EPB41L2: variants seen among roughly 807,000 people sequenced by gnomAD.
EPB41L2 encodes the protein band 4.1-like protein 2.
Under a neutral mutation model 113.0 loss-of-function variants are expected in EPB41L2, and 43 were observed. The observed-to-expected ratio is 0.38, with a 90% CI of 0.30 to 0.49. The LOEUF is 0.49. EPB41L2 is among the 20% of genes least tolerant of loss of function. EPB41L2 has a pLI of 0.95. For missense variants in EPB41L2, 1,147 were observed against 1,223.4 expected (o/e 0.94, Z 0.93); for synonymous variants, 442 against 436.7 (o/e 1.01, Z -0.15).
chr6:131,046,987 A>G (rs1941856764), intron 1 of EPB41L2, among the ~76,000 whole-genome samples: 1 of 152,182 alleles, frequency 6.6e-6, no homozygotes, highest in South Asian at 2.1e-4. Context: ...AATATAAGAC[A>G]GTAGTTATGG....
At chr6:130,863,579 A>G in intron 18 of EPB41L2, 59 bp downstream of exon 18, 1 of 1,223,082 alleles carries the variant, frequency 8.2e-7, no homozygotes, top group South Asian at 1.2e-5. Context: ...CATGATGACA[A>G]ATGTGAAACT....
chr6:130,961,365 T>C (rs1176301588), intron 1 of EPB41L2, among the ~76,000 whole-genome samples: 1 of 152,188 alleles, frequency 6.6e-6, no homozygotes. Flanking sequence ...TCATTTAACA[T>C]GCAATGAAGC....
intron 3 of EPB41L2, among the ~76,000 whole-genome samples, chr6:130,943,131 CA>C (rs1472515689): frequency 1.3e-5 from 2 of 152,140 alleles, no homozygotes; most frequent in Admixed American, 1.3e-4. Context: ...ATTGCTGGGT[CA>C]AATGGTATTT....
intron 1 of EPB41L2, among the ~76,000 whole-genome samples, chr6:131,003,582 C>T (rs1784824614): frequency 6.6e-6 from 1 of 152,144 alleles, no homozygotes; most frequent in African/African-American, 2.4e-5. Flanking sequence ...TCTAAAATCC[C>T]TTTCTCCATC....
intron 14 of EPB41L2, among the ~76,000 whole-genome samples, chr6:130,871,876 ATT>A (rs929961540): frequency 2.6e-5 from 4 of 152,192 alleles, no homozygotes; most frequent in Non-Finnish European, 4.4e-5. Flanking sequence ...AATTATTATT[ATT>A]GTTATATCTT....
rs575495335 is a variant in EPB41L2, at chr6:130,995,998, C to T, written c.-14-39499G>A. Among the ~76,000 whole-genome samples the T allele has an allele frequency of 3.9e-5, 6 of 152,276 alleles. No individual in the cohort carries two copies. The South Asian group carries it at 1.2e-3, about 32-fold the overall frequency. The stretch of plus-strand genomic sequence containing the variant: ...TTTTCCTGTTCTATTATCTGTATAT[C>T]ATAAGTAAATATTCTTCCCACTGGA... On this transcript the variant is annotated intron_variant, in intron 1 of 19. Transcript: ENST00000337057.
chr6:131,029,940 A>G (rs985681102), intron 1 of EPB41L2, among the ~76,000 whole-genome samples: 3 of 151,130 alleles, frequency 2.0e-5, no homozygotes, highest in Non-Finnish European at 4.4e-5. Context: ...AGCCTGCACA[A>G]TTGGATTGTG....
intron 1 of EPB41L2, among the ~76,000 whole-genome samples, chr6:131,051,835 A>C (rs766524794): frequency 2.0e-5 from 3 of 152,192 alleles, no homozygotes; most frequent in Non-Finnish European, 2.9e-5. Flanking sequence ...ATTTTAAGAC[A>C]TGCAAGCCTC....
chr6:130,900,520 A>G (rs1795995671), intron 7 of EPB41L2, among the ~76,000 whole-genome samples: 1 of 152,214 alleles, frequency 6.6e-6, no homozygotes, highest in Non-Finnish European at 1.5e-5. Flanking sequence ...TTCAGTTACT[A>G]TTCCTACGTC....
intron 18 of EPB41L2, among the ~76,000 whole-genome samples, chr6:130,863,033 C>T (rs1163324844): frequency 6.6e-6 from 1 of 152,148 alleles, no homozygotes; most frequent in African/African-American, 2.4e-5. Flanking sequence ...TCAAAGTCTC[C>T]AGCAGTTCCA....
At chr6:130,890,251 G>A (rs200812051) in intron 11 of EPB41L2, 43 bp downstream of exon 11, 1 of 1,580,836 alleles carries the variant, frequency 6.3e-7, no homozygotes, top group Non-Finnish European at 8.6e-7. Context: ...CATGGGATTA[G>A]AGAAAGATGA....
chr6:131,029,139 G>A (rs898670751), intron 1 of EPB41L2, among the ~76,000 whole-genome samples: 3 of 151,856 alleles, frequency 2.0e-5, no homozygotes, highest in Admixed American at 1.3e-4. Context: ...ATGCTAAAGG[G>A]AAAAAAATCT....
intron 3 of EPB41L2, among the ~76,000 whole-genome samples, chr6:130,945,149 A>T (rs1812369883): frequency 6.6e-6 from 1 of 152,194 alleles, no homozygotes; most frequent in South Asian, 2.1e-4. Context: ...AGAGTGCCAT[A>T]ACTTCCAGAT....
intron 1 of EPB41L2, among the ~76,000 whole-genome samples, chr6:131,006,087 C>T (rs752566701): frequency 1.3e-4 from 20 of 151,920 alleles, no homozygotes; most frequent in Admixed American, 3.3e-4. Flanking sequence ...GATGGAGTTT[C>T]GCTCTGTCAA....
At chr6:130,867,636 T>C (rs1784216806) in intron 15 of EPB41L2, 55 bp from the exon 16 acceptor site, 2 of 1,596,032 alleles carry the variant, frequency 1.3e-6, no homozygotes, top group African/African-American at 1.3e-5. Flanking sequence ...AGTAAAAGTG[T>C]TTAATGGAAC....
chr6:130,852,353 TG>T (rs1419121554), intron 19 of EPB41L2, among the ~76,000 whole-genome samples: 2 of 152,218 alleles, frequency 1.3e-5, no homozygotes, highest in Non-Finnish European at 2.9e-5. Flanking sequence ...TGTTATAAGA[TG>T]GGGCCTTATA....
intron 4 of EPB41L2, among the ~76,000 whole-genome samples, chr6:130,911,739 G>C (rs573489235): frequency 8.4e-4 from 128 of 152,164 alleles, no homozygotes; most frequent in Non-Finnish European, 1.4e-3. Context: ...AAAAAATTTA[G>C]ATTTTTTTGT....
chr6:130,880,399 T>C, intron 12 of EPB41L2, 193 bp from the exon 13 acceptor site: 1 of 615,334 alleles, frequency 1.6e-6, no homozygotes, highest in Non-Finnish European at 2.9e-6. Context: ...CCCCACACAA[T>C]ACTAATGGCA....
chr6:130,975,051 A>C (rs553989588), intron 1 of EPB41L2, among the ~76,000 whole-genome samples: 1 of 152,220 alleles, frequency 6.6e-6, no homozygotes, highest in Non-Finnish European at 1.5e-5. Context: ...ATGTGAGGTT[A>C]CTTGATGGGT....
Sources: gnomAD v4.1 joint callset for allele counts (sites outside exome capture counted in the v4.1 genomes callset) on GRCh38, gnomAD v4.1.1 for gene constraint, MANE v1.5 for transcripts, NCBI Gene and HGNC (gene_info 2026-07-23, HGNC 2026-07-21) for gene names.